Variants in SMAD2 observed in about 807,000 individuals in gnomAD.
The protein encoded by SMAD2 is SMAD family member 2.
Under a neutral mutation model 64.4 loss-of-function variants are expected in SMAD2, and 8 were observed. The ratio of observed to expected loss-of-function variants is 0.12; its 90% CI spans 0.07 to 0.22. SMAD2 has a LOEUF of 0.22. SMAD2 is among the 10% of genes least tolerant of loss of function. The pLI, the probability that SMAD2 is intolerant of heterozygous loss-of-function variation, is 1.00. For synonymous variants in SMAD2, 203 were observed against 195.8 expected (o/e 1.04, Z -0.31); for missense variants, 289 against 561.2 (o/e 0.51, Z 4.90).
chr18:47,845,006 G>C (rs1914354199), intron 10 of SMAD2: 2 of 538,618 alleles, frequency 3.7e-6, no homozygotes, highest in African/African-American at 3.8e-5. Flanking sequence ...TTTACAACTA[G>C]ATCATGTGCC....
chr18:47,883,024 G>A (rs111350508), intron 2 of SMAD2, among the ~76,000 whole-genome samples: 2,553 of 152,182 alleles, frequency 0.017, 66 homozygotes, highest in African/African-American at 0.057. Context: ...AGTCTAACAA[G>A]CGTTTATCTC....
chr18:47,841,306 T>A lies in SMAD2; in HGVS notation c.*521A>T, dbSNP rs1194967283. ...AAAAATTAGTTTTTCTACAGGAAAA[T>A]CTGCTTCTAAATAATTTGAAAATCT... On this transcript the variant is annotated 3_prime_UTR_variant, in exon 11 of 11. Transcript: ENST00000262160. The A allele has an allele frequency of 4.3e-6, 1 of 233,316 alleles. No homozygotes were observed. Among genetic ancestry groups the A allele is most frequent in the Non-Finnish European group, 8.5e-6 (1 of 118,144 alleles). 14.5% of individuals were successfully genotyped at this position (233,316 alleles called of 1,614,324 possible). A position where few individuals can be genotyped will look rare whatever the true frequency, so the allele number is the denominator to read the frequency against.
At chr18:47,890,833 T>C (rs2033154432) in intron 2 of SMAD2, among the ~76,000 whole-genome samples, 1 of 152,202 alleles carries the variant, frequency 6.6e-6, no homozygotes, top group African/African-American at 2.4e-5. Context: ...TGCTTAAGAA[T>C]GGAAGAATAC....
intron 1 of SMAD2, among the ~76,000 whole-genome samples, chr18:47,928,236 G>A (rs1303723635): frequency 2.0e-5 from 3 of 152,144 alleles, no homozygotes; most frequent in Non-Finnish European, 4.4e-5. Context: ...GGTTTTTGGA[G>A]CCCTAAAGCA....
At position 47,826,672 on chromosome 18, in the gene SMAD2, C is replaced by T. The variant is rs893395921; in HGVS notation, c.*15155G>A. The T allele has an allele frequency of 6.6e-6, 1 of 152,222 alleles. No homozygotes were observed. Among genetic ancestry groups the T allele is most frequent in the Admixed American group, 6.5e-5 (1 of 15,292 alleles). 9.4% of individuals were successfully genotyped at this position (152,222 alleles called of 1,614,324 possible). On this transcript the variant is annotated 3_prime_UTR_variant, in exon 11 of 11. Coordinates refer to ENST00000262160, the MANE Select transcript of SMAD2 (RefSeq NM_005901.6). ...TCATAAACTGTTTATTGCTGCACACCACTGGGTTTTTGTGGTTGCTACGAG... is the reference window on the plus strand; with the variant it reads ...TCATAAACTGTTTATTGCTGCACACTACTGGGTTTTTGTGGTTGCTACGAG...
rs1312247665 is a variant in SMAD2 at position 47,896,733 on chromosome 18, C to T, written c.24G>A (p.Thr8=). ...CCAGCAGTCTCTTCACAACTGGCGGCGTGAATGGCAAGATGGACGACATGT... is the reference window on the plus strand; with the variant it reads ...CCAGCAGTCTCTTCACAACTGGCGGTGTGAATGGCAAGATGGACGACATGT... MSSILPF[T]PPVVKRLLGW... is the part of the protein sequence containing the mutation. Residue 8 remains threonine, a synonymous_variant, in exon 2 of 11, where the codon ACG becomes ACA. Coordinates refer to ENST00000262160, the MANE Select transcript of SMAD2 (RefSeq NM_005901.6). 3.1e-6 allele frequency: 5 copies of T among 1,613,928 alleles called. No individual in the cohort carries two copies. The highest frequency in any genetic ancestry group is 4.5e-5 in the East Asian group (2 of 44,888).
Position 47,824,782 on chromosome 18 carries a change from CAAACTT to C in SMAD2, c.*17039_*17044del, listed in dbSNP as rs1912691059. The C allele has an allele frequency of 6.6e-6, 1 of 151,900 alleles. No individual in the cohort carries two copies. The highest frequency in any genetic ancestry group is 1.5e-5 in the Non-Finnish European group (1 of 67,950). 9.4% of individuals were successfully genotyped at this position (151,900 alleles called of 1,614,324 possible). On this transcript the variant is annotated 3_prime_UTR_variant, in exon 11 of 11. Transcript: ENST00000262160. ...GTCGAACATTTTTAATTTCAAACAC[CAAACTT>C]AAATAGACTAATAACACAGATCTTC...
chr18:47,912,238 G>C (rs558481203), intron 1 of SMAD2: 1 of 152,310 alleles, frequency 6.6e-6, no homozygotes, highest in African/African-American at 2.4e-5. Context: ...GCAGATTAAA[G>C]AGCTGAAGAC....
At chr18:47,879,554 G>A (rs980329539) in intron 2 of SMAD2, among the ~76,000 whole-genome samples, 2 of 141,250 alleles carry the variant, frequency 1.4e-5, no homozygotes, top group Non-Finnish European at 3.1e-5. Context: ...ACTTGAACAA[G>A]CATGATTTAT....
intron 2 of SMAD2, among the ~76,000 whole-genome samples, chr18:47,883,505 T>G (rs2032727513): frequency 6.6e-6 from 1 of 152,250 alleles, no homozygotes. Flanking sequence ...TAGTTAATAA[T>G]GTAACTTAAT....
At chr18:47,859,300 A>G (rs570270869) in intron 6 of SMAD2, among the ~76,000 whole-genome samples, 1 of 152,188 alleles carries the variant, frequency 6.6e-6, no homozygotes, top group Non-Finnish European at 1.5e-5. Flanking sequence ...AAAAAATCAT[A>G]AAGAATTAAG....
At chr18:47,853,979 A>G (rs111648009) in intron 6 of SMAD2, among the ~76,000 whole-genome samples, 2,610 of 152,282 alleles carry the variant, frequency 0.017, 66 homozygotes, top group African/African-American at 0.059. Flanking sequence ...GACCAGTAGG[A>G]TCATTTAAAT....
chr18:47,848,158 A>G (rs1914711637), intron 8 of SMAD2, among the ~76,000 whole-genome samples: 1 of 152,234 alleles, frequency 6.6e-6, no homozygotes, highest in South Asian at 2.1e-4. Context: ...TTTATAAAAA[A>G]GTATTAACCC....
At chr18:47,867,727 C>T (rs1447813267) in intron 5 of SMAD2, among the ~76,000 whole-genome samples, 3 of 150,366 alleles carry the variant, frequency 2.0e-5, no homozygotes, top group East Asian at 1.9e-4. Flanking sequence ...TACTGGATCA[C>T]ATAATACATC....
chr18:47,904,974 G>A lies in SMAD2; in HGVS notation c.-53-8165C>T, dbSNP rs557511197. ...CTGGGAATAAGACAAAGATGTCCAC[G>A]GTTACCCTTTCTATTCAGTAATGCA... On this transcript the variant is annotated intron_variant, in intron 1 of 10. Coordinates refer to ENST00000262160, the MANE Select transcript of SMAD2 (RefSeq NM_005901.6). Among the ~76,000 whole-genome samples, 16 of 152,226 alleles carry A rather than the reference G, an allele frequency of 1.1e-4. No individual in the cohort carries two copies. The East Asian group carries it at 1.9e-3, about 18-fold the overall frequency.
chr18:47,886,178 T>G (rs1379337519), intron 2 of SMAD2, among the ~76,000 whole-genome samples: 4 of 152,230 alleles, frequency 2.6e-5, no homozygotes, highest in Non-Finnish European at 5.9e-5. Flanking sequence ...TACAGTTTTA[T>G]AATGCTTGAC....
At chr18:47,890,969 G>A (rs2033160135) in intron 2 of SMAD2, among the ~76,000 whole-genome samples, 2 of 152,132 alleles carry the variant, frequency 1.3e-5, no homozygotes, top group Admixed American at 1.3e-4. Context: ...TCTATTCCAA[G>A]ACAGTCTGCA....
In SMAD2 at chr18:47,814,523, G is replaced by A. The variant is rs769918362; in HGVS notation, c.*27304C>T. On this transcript the variant is annotated 3_prime_UTR_variant, in exon 11 of 11. Transcript: ENST00000262160. ...TCTCTTCATTAGGCAGGAGTGGAAT[G>A]ACTCCCAGGGCAGGGAGAGATTGAT... The A allele has an allele frequency of 5.3e-5, 8 of 152,200 alleles. No homozygotes were observed. Among genetic ancestry groups the A allele is most frequent in the Non-Finnish European group, 1.0e-4 (7 of 68,044 alleles). The allele number at this position is 152,200 out of a possible 1,614,324, so 9.4% of individuals were successfully genotyped here.
chr18:47,852,192 TG>T (rs1318736465), intron 6 of SMAD2, among the ~76,000 whole-genome samples: 1 of 152,200 alleles, frequency 6.6e-6, no homozygotes, highest in Non-Finnish European at 1.5e-5. Context: ...GTATTAGGGA[TG>T]TAAGTCTTCT....
Sources: allele counts gnomAD v4.1 joint callset (sites outside exome capture counted in the v4.1 genomes callset), GRCh38; gene constraint gnomAD v4.1.1; transcripts MANE v1.5; gene names NCBI Gene and HGNC (gene_info 2026-07-23, HGNC 2026-07-21).